ZMIZ1: variants seen among roughly 807,000 people sequenced by gnomAD.
ZMIZ1 encodes the protein zinc finger MIZ-type containing 1, also known as zinc finger MIZ domain-containing protein 1.
A neutral mutation model predicts 113.9 loss-of-function variants in ZMIZ1; 17 were observed. The ratio of observed to expected loss-of-function variants is 0.15; its 90% CI spans 0.10 to 0.22. The LOEUF (loss-of-function observed/expected upper bound fraction) is 0.22, where lower values mean the gene tolerates loss of function less well. ZMIZ1 is among the 10% of genes least tolerant of loss of function. The pLI, the probability that ZMIZ1 is intolerant of heterozygous loss-of-function variation, is 1.00. For synonymous variants in ZMIZ1, 607 were observed against 603.1 expected (o/e 1.01, Z -0.09); for missense variants, 1,059 against 1,477.8 (o/e 0.72, Z 4.65).
At chr10:79,290,000 G>C in intron 9 of ZMIZ1, 111 bp downstream of exon 9, 1 of 1,119,662 alleles carries the variant, frequency 8.9e-7, no homozygotes, top group Admixed American at 2.3e-5. Context: ...CTGCTGGAAA[G>C]ACCAGCTTCC....
intron 7 of ZMIZ1, among the ~76,000 whole-genome samples, chr10:79,267,931 C>A (rs1478164380): frequency 6.6e-6 from 1 of 152,222 alleles, no homozygotes; most frequent in Non-Finnish European, 1.5e-5. Context: ...CAAGCCCTCA[C>A]CACCACTTCT....
chr10:79,210,895 G>A (rs1244808766), intron 6 of ZMIZ1, among the ~76,000 whole-genome samples: 1 of 152,112 alleles, frequency 6.6e-6, no homozygotes, highest in Non-Finnish European at 1.5e-5. Flanking sequence ...GCCCAGAGAG[G>A]GCCTCATGAG....
chr10:79,284,837 G>A (rs1320700093), intron 8 of ZMIZ1, among the ~76,000 whole-genome samples: 2 of 152,168 alleles, frequency 1.3e-5, no homozygotes, highest in African/African-American at 4.8e-5. Context: ...TCAAAAAGGG[G>A]TCCCTGAATC....
chr10:79,128,836 G>GAAT (rs10660270), intron 2 of ZMIZ1, among the ~76,000 whole-genome samples: 7 of 152,056 alleles, frequency 4.6e-5, no homozygotes, highest in African/African-American at 1.7e-4. Context: ...AGTGGAAAAA[G>GAAT]TAGTTTTCAG....
intron 8 of ZMIZ1, chr10:79,285,468 C>A (rs1476507852): frequency 2.2e-6 from 1 of 456,070 alleles, no homozygotes; most frequent in East Asian, 6.9e-5. Context: ...GTTGCTGAGG[C>A]ATACAGAGAG....
chr10:79,252,853 G>A (rs1850637656), intron 7 of ZMIZ1, among the ~76,000 whole-genome samples: 1 of 152,216 alleles, frequency 6.6e-6, no homozygotes, highest in Non-Finnish European at 1.5e-5. Context: ...CCCTTGGTAT[G>A]TGCAGGAATG....
Position 79,296,567 on chromosome 10 carries a change from C to G in ZMIZ1, c.1327C>G (p.Pro443Ala), listed in dbSNP as rs1406948633. ...CAACCCCCCGAGGCCACTCACCTCC[C>G]CCAACTACCCAGGACAGAGGATGCC... ...APNPPRPLTS[P>A]NYPGQRMPSQ... The change falls in exon 13 of 25, where the codon CCC becomes GCC. Residue 443 changes from proline to alanine, a missense_variant. By Grantham distance (27) the Pro-to-Ala change is conservative (BLOSUM62 -1). Coordinates refer to ENST00000334512, the MANE Select transcript of ZMIZ1 (RefSeq NM_020338.4). This position sits in a 1 kb window ranked among gnomAD's most constrained non-coding sequence, Gnocchi z 4.1. 6.2e-7 allele frequency: 1 copy of G among 1,613,380 alleles called. No homozygotes were observed. The highest frequency in any genetic ancestry group is 1.7e-5 in the Admixed American group (1 of 59,966).
At chr10:79,298,350 G>A in intron 14 of ZMIZ1, 56 bp from the exon 15 acceptor site, 1 of 1,560,668 alleles carries the variant, frequency 6.4e-7, no homozygotes, top group Non-Finnish European at 8.7e-7. Context: ...CCATAGCCAT[G>A]GCCCCTTCTG....
chr10:79,196,913 C>T (rs1194825732), intron 4 of ZMIZ1, among the ~76,000 whole-genome samples: 1 of 152,240 alleles, frequency 6.6e-6, no homozygotes, highest in African/African-American at 2.4e-5. Flanking sequence ...ACTCGAAGTC[C>T]ATCCTGGCTG....
chr10:79,263,947 C>T (rs1189225895), intron 7 of ZMIZ1, among the ~76,000 whole-genome samples: 1 of 152,072 alleles, frequency 6.6e-6, no homozygotes, highest in Non-Finnish European at 1.5e-5. Flanking sequence ...GAGGGGACCT[C>T]CTCAGAAAAG....
intron 5 of ZMIZ1, among the ~76,000 whole-genome samples, chr10:79,202,209 A>G (rs1043398538): frequency 7.3e-6 from 1 of 136,850 alleles, no homozygotes; most frequent in Non-Finnish European, 1.6e-5. Context: ...AAAAAAAAAA[A>G]AAAAAGAAAG....
chr10:79,302,039 T>C, intron 17 of ZMIZ1, 68 bp from the exon 18 acceptor site: 2 of 1,538,716 alleles, frequency 1.3e-6, no homozygotes, highest in Middle Eastern at 2.2e-4. Context: ...CTAGGGCTGC[T>C]GAGGCTGCAG....
rs1477388916 is a variant in ZMIZ1 at position 79,298,900 on chromosome 10, G to A, written c.1667-150G>A. On this transcript the variant is annotated intron_variant, in intron 15 of 24. Coordinates refer to ENST00000334512, the MANE Select transcript of ZMIZ1 (RefSeq NM_020338.4). ...ATCGAAGAAGCCATGACTCACTGGT[G>A]TGCCCTTGGACTGGCTATGTCTCTG... is the stretch of plus-strand genomic sequence containing the variant. 3.8e-6 allele frequency: 4 copies of A among 1,040,010 alleles called. No individual in the cohort carries two copies. The Admixed American group carries it at 9.1e-5, about 24-fold the overall frequency. The allele number at this position is 1,040,010 out of a possible 1,614,324, so 64.4% of individuals were successfully genotyped here. A position where few individuals can be genotyped will look rare whatever the true frequency, so the allele number is the denominator to read the frequency against.
At chr10:79,178,580 A>C (rs900343552) in intron 4 of ZMIZ1, among the ~76,000 whole-genome samples, 5 of 152,160 alleles carry the variant, frequency 3.3e-5, no homozygotes, top group African/African-American at 1.2e-4. Flanking sequence ...GGTGGCCCTG[A>C]GACAGCTTTA....
chr10:79,277,797 C>T (rs763222093), intron 8 of ZMIZ1, among the ~76,000 whole-genome samples: 6 of 152,160 alleles, frequency 3.9e-5, no homozygotes, highest in South Asian at 2.1e-4. Context: ...TGCTGGAGGC[C>T]GACAGCACCG....
chr10:79,297,710 AC>A lies in ZMIZ1; in HGVS notation c.1491+21del. On this transcript the variant is annotated intron_variant, in intron 14 of 24. Transcript: ENST00000334512. ...AACAGGGTATGTTCCAATTTAATTT[AC>A]AAATTCTAAGCCACAGGGAGTTGTT... The A allele has an allele frequency of 6.2e-7, 1 of 1,608,478 alleles. No individual in the cohort carries two copies. Among genetic ancestry groups the A allele is most frequent in the Non-Finnish European group, 8.5e-7 (1 of 1,174,938 alleles).
intron 1 of ZMIZ1, among the ~76,000 whole-genome samples, chr10:79,090,808 A>G (rs974033331): frequency 2.6e-5 from 4 of 152,208 alleles, no homozygotes; most frequent in African/African-American, 9.7e-5. Context: ...GAAGCCAGGG[A>G]TGTATGTGCC....
intron 1 of ZMIZ1, among the ~76,000 whole-genome samples, chr10:79,075,546 C>CCTGCACACAG (rs1409758871): frequency 6.6e-6 from 1 of 151,932 alleles, no homozygotes; most frequent in Non-Finnish European, 1.5e-5. Context: ...TGTGTGCACA[C>CCTGCACACAG]CTGCACACAG....
rs148342874 is a variant in ZMIZ1, at chr10:79,306,181, C to T, written c.2505C>T (p.Asp835=). 22,914 of 1,614,140 alleles carry T rather than the reference C, an allele frequency of 0.014. 209 individuals carry two copies. Among genetic ancestry groups the T allele is most frequent in the Non-Finnish European group, 0.016 (19,235 of 1,180,014 alleles). ...TCAAGTCGGACTTACACATCAAGGA[C>T]GACCCTGATGGCATCCCCTCCAAGC... is the stretch of plus-strand genomic sequence containing the variant. ...VPIKSDLHIK[D]DPDGIPSKRF... Residue 835 remains aspartate (D), a synonymous_variant, in exon 22 of 25, where the codon GAC becomes GAT. Transcript: ENST00000334512.
Sources: gnomAD v4.1 joint callset for allele counts (sites outside exome capture counted in the v4.1 genomes callset) on GRCh38, gnomAD v4.1.1 for gene constraint, Gnocchi (gnomAD v3.1) non-coding constraint, MANE v1.5 for transcripts, NCBI Gene and HGNC (gene_info 2026-07-23, HGNC 2026-07-21) for gene names.